TEX11: variants seen among roughly 807,000 people sequenced by gnomAD.
The protein encoded by TEX11 is testis-expressed protein 11.
TEX11 carries 7 observed loss-of-function variants against 84.4 expected under a neutral mutation model. The observed-to-expected ratio is 0.08, with a 90% CI of 0.05 to 0.16. The LOEUF (loss-of-function observed/expected upper bound fraction) is 0.16. TEX11 is among the 10% of genes least tolerant of loss of function. TEX11 has a pLI of 1.00. For synonymous variants in TEX11, 264 were observed against 222.8 expected (o/e 1.18, Z -1.64); for missense variants, 551 against 660.5 (o/e 0.83, Z 1.82).
chrX:70,748,602 G>A (rs1289689561), intron 9 of TEX11, among the ~76,000 whole-genome samples: 1 of 107,653 alleles, frequency 9.3e-6, no homozygotes, highest in East Asian at 2.9e-4. Context: ...TTTGTATAAG[G>A]TGTAAGGAAG....
At chrX:70,737,990 A>G (rs924394561) in intron 11 of TEX11, among the ~76,000 whole-genome samples, 2 of 111,865 alleles carry the variant, frequency 1.8e-5, no homozygotes, top group Non-Finnish European at 3.8e-5. Flanking sequence ...CCAAAACAAT[A>G]AAAACCCTAG....
At chrX:70,582,990 C>A (rs1302906233) in intron 25 of TEX11, among the ~76,000 whole-genome samples, 1 of 110,416 alleles carries the variant, frequency 9.1e-6, no homozygotes, top group Non-Finnish European at 1.9e-5. Flanking sequence ...AGGTGATCCA[C>A]CCACCTCGGC....
Position 70,681,683 on chromosome X carries a change from A to G in TEX11, c.1156+991T>C, listed in dbSNP as rs1434131689. 4.5e-5 allele frequency among the ~76,000 whole-genome samples: 5 copies of G among 110,971 alleles called. No individual in the cohort carries two copies. In the Admixed American group the frequency reaches 4.8e-4, roughly 11 times the overall value. ...ATTGGTAGAGTTTTTTTTCCTCCCT[A>G]TGGTCAGGCTATCTGTATACTTCCC... On this transcript the variant is annotated intron_variant, in intron 14 of 29. Transcript: ENST00000374333.
intron 11 of TEX11, among the ~76,000 whole-genome samples, chrX:70,738,286 C>A (rs2090710629): frequency 9.0e-6 from 1 of 111,657 alleles, no homozygotes; most frequent in African/African-American, 3.2e-5. Context: ...AAAAAGTGGG[C>A]AAAGGATATA....
intron 13 of TEX11, among the ~76,000 whole-genome samples, chrX:70,698,096 C>A (rs2090295994): frequency 9.0e-6 from 1 of 111,036 alleles, no homozygotes; most frequent in African/African-American, 3.3e-5. Flanking sequence ...AATAGTTTGA[C>A]ACAAGCATAC....
At chrX:70,630,918 G>A in intron 17 of TEX11, among the ~76,000 whole-genome samples, 1 of 112,051 alleles carries the variant, frequency 8.9e-6, no homozygotes, top group Middle Eastern at 4.8e-3. Context: ...AATATTATTG[G>A]CAATAAAAGG....
chrX:70,584,997 C>T (rs1159640414), intron 25 of TEX11, among the ~76,000 whole-genome samples: 8 of 111,873 alleles, frequency 7.2e-5, no homozygotes, highest in African/African-American at 2.3e-4. Context: ...CAACATTGTA[C>T]AGGAAGTTTG....
chrX:70,677,311 C>A (rs772466688), intron 15 of TEX11, among the ~76,000 whole-genome samples: 28 of 111,694 alleles, frequency 2.5e-4, no homozygotes, highest in Non-Finnish European at 4.9e-4. Flanking sequence ...AGACAAGACC[C>A]TTCTGAGTTT....
downstream of TEX11, among the ~76,000 whole-genome samples, chrX:70,524,237 C>T (rs757417981): frequency 8.9e-5 from 10 of 112,367 alleles, no homozygotes; most frequent in East Asian, 2.8e-3. Context: ...GAGACTTGGT[C>T]CTCTATTTTG....
chrX:70,734,443 G>A (rs952725485), intron 11 of TEX11, among the ~76,000 whole-genome samples: 6 of 111,443 alleles, frequency 5.4e-5, no homozygotes, highest in Non-Finnish European at 7.5e-5. Context: ...TTTGCATTAT[G>A]GAAAGTTTCC....
At chrX:70,693,267 C>T in intron 13 of TEX11, among the ~76,000 whole-genome samples, 1 of 111,072 alleles carries the variant, frequency 9.0e-6, no homozygotes, top group Non-Finnish European at 1.9e-5. Context: ...AACTTTTCTA[C>T]ATCCTTGCCA....
At chrX:70,581,290 G>A (rs1307115508) in intron 25 of TEX11, among the ~76,000 whole-genome samples, 1 of 59,362 alleles carries the variant, frequency 1.7e-5, no homozygotes, top group African/African-American at 6.4e-5. Flanking sequence ...TTTATATACT[G>A]TTGCTTTTTT....
At chrX:70,552,720 C>T (rs1014990010) in intron 27 of TEX11, among the ~76,000 whole-genome samples, 1 of 111,813 alleles carries the variant, frequency 8.9e-6, no homozygotes. Flanking sequence ...ACAAAAAAGT[C>T]TCCAATAGAT....
intron 25 of TEX11, among the ~76,000 whole-genome samples, chrX:70,590,029 T>C (rs1286443196): frequency 8.9e-6 from 1 of 112,205 alleles, no homozygotes; most frequent in Admixed American, 9.5e-5. Context: ...TGTTGTCTGT[T>C]TTATTTACAT....
intron 13 of TEX11, among the ~76,000 whole-genome samples, chrX:70,684,279 C>A (rs2090169830): frequency 8.9e-6 from 1 of 112,513 alleles, no homozygotes; most frequent in Admixed American, 9.4e-5. Flanking sequence ...ATCCTATTTA[C>A]AATAGCATCA....
At chrX:70,621,117 G>C (rs748243338) in intron 20 of TEX11, among the ~76,000 whole-genome samples, 2 of 110,979 alleles carry the variant, frequency 1.8e-5, no homozygotes, top group South Asian at 7.8e-4. Flanking sequence ...AATAACTGTA[G>C]CACTCTGGCG....
chrX:70,827,032 G>C (rs1420438925), intron 8 of TEX11, among the ~76,000 whole-genome samples: 1 of 111,364 alleles, frequency 9.0e-6, no homozygotes, highest in African/African-American at 3.3e-5. Context: ...GTAGAGGGAA[G>C]GGAAGAGTAA....
chrX:70,817,130 T>C (rs1569448602), intron 8 of TEX11, among the ~76,000 whole-genome samples: 2 of 33,220 alleles, frequency 6.0e-5, no homozygotes, highest in Non-Finnish European at 1.1e-4. Context: ...AGAAGATAGA[T>C]AGATAATAAA....
At chrX:70,880,799 CAAATG>C (rs2091678418) in intron 2 of TEX11, among the ~76,000 whole-genome samples, 1 of 109,656 alleles carries the variant, frequency 9.1e-6, no homozygotes, top group Non-Finnish European at 1.9e-5. Context: ...TGAATCTGCA[CAAATG>C]ATGTCACCAT....
Sources: allele counts gnomAD v4.1 joint callset (sites outside exome capture counted in the v4.1 genomes callset), GRCh38; gene constraint gnomAD v4.1.1; transcripts MANE v1.5; gene names NCBI Gene and HGNC (gene_info 2026-07-23, HGNC 2026-07-21).